Variants in ZMYM2 observed in about 807,000 individuals in gnomAD.
ZMYM2 encodes the protein zinc finger MYM-type containing 2.
A neutral mutation model predicts 162.8 loss-of-function variants in ZMYM2; 56 were observed. The observed-to-expected ratio is 0.34, with a 90% confidence interval of 0.28 to 0.43. The LOEUF (loss-of-function observed/expected upper bound fraction) is 0.43, where lower values mean the gene tolerates loss of function less well. ZMYM2 is among the 20% of genes least tolerant of loss of function. The probability of loss-of-function intolerance (pLI) is 1.00; values close to 1 mark genes in which losing one functional copy is unlikely to be tolerated. For synonymous variants in ZMYM2, 510 were observed against 541.6 expected (o/e 0.94, Z 0.81); for missense variants, 1,275 against 1,621.8 (o/e 0.79, Z 3.67).
At chr13:19,928,013 T>C in the ZMYM2 span, among the ~76,000 whole-genome samples, 1 of 152,158 alleles carries the variant, frequency 6.6e-6, no homozygotes, top group African/African-American at 2.4e-5. Context: ...TATTTATTTA[T>C]TCATGTTTTA....
the ZMYM2 span, among the ~76,000 whole-genome samples, chr13:19,952,407 CA>C: frequency 1.3e-5 from 2 of 151,934 alleles, no homozygotes; most frequent in Non-Finnish European, 2.9e-5. Context: ...GTGTTTCTAC[CA>C]CAAAAAATAA....
the ZMYM2 span, among the ~76,000 whole-genome samples, chr13:19,869,197 G>A: frequency 6.6e-6 from 1 of 152,272 alleles, no homozygotes; most frequent in East Asian, 1.9e-4. Context: ...AACTTACTAT[G>A]CACAGTAATT....
rs764757220 is a variant in ZMYM2 at position 20,059,440 on chromosome 13, T to G, written c.2624-7T>G. 6.2e-7 allele frequency: 1 copy of G among 1,612,904 alleles called. No homozygotes were observed. The highest frequency in any genetic ancestry group is 8.5e-7 in the Non-Finnish European group (1 of 1,179,160). On this transcript the variant is annotated splice_region_variant and splice_polypyrimidine_tract_variant and intron_variant, in intron 15 of 24. Coordinates refer to ENST00000610343, the MANE Select transcript of ZMYM2 (RefSeq NM_197968.4). Reference sequence around the variant, plus strand: ...CATTGCTCCTTAAATATGTTTTGTGTTTTTAGATGATACTTGGAGGACAGA... The same window carrying G: ...CATTGCTCCTTAAATATGTTTTGTGGTTTTAGATGATACTTGGAGGACAGA...
At chr13:19,931,254 C>T in the ZMYM2 span, among the ~76,000 whole-genome samples, 71 of 151,488 alleles carry the variant, frequency 4.7e-4, no homozygotes, top group Admixed American at 5.3e-4. Context: ...TTTTTCCTTC[C>T]ATTTTCTATG....
chr13:20,014,867 C>T (rs147881876), intron 6 of ZMYM2, among the ~76,000 whole-genome samples: 35 of 148,354 alleles, frequency 2.4e-4, no homozygotes, highest in East Asian at 1.2e-3. Context: ...CAGGTTCAAG[C>T]GATTATCCTG....
Position 20,024,675 on chromosome 13 carries a change from C to A in ZMYM2, c.1585-1937C>A, listed in dbSNP as rs968124880. The A allele has an allele frequency of 1.4e-5, 3 of 221,874 alleles. No individual in the cohort carries two copies. The East Asian group carries it at 2.0e-4, about 15-fold the overall frequency. 13.7% of individuals were successfully genotyped at this position (221,874 alleles called of 1,614,324 possible). On this transcript the variant is annotated intron_variant, in intron 7 of 24. Coordinates refer to ENST00000610343, the MANE Select transcript of ZMYM2 (RefSeq NM_197968.4). ...CCTTTTCCAGTATAGAAATTTAAGT[C>A]ATCAAATAGACCTCAGGAAACAAAC...
At chr13:20,011,573 G>GTTTTTTTTTTT (rs764404253) in intron 6 of ZMYM2, among the ~76,000 whole-genome samples, 2 of 144,204 alleles carry the variant, frequency 1.4e-5, no homozygotes, top group African/African-American at 2.6e-5. Flanking sequence ...TTATTTTTTT[G>GTTTTTTTTTTT]TTTTATTTTT....
In ZMYM2 at chr13:20,072,852, T is replaced by C. The variant is rs181813491; in HGVS notation, c.3453+5462T>C. 1.1e-4 allele frequency among the ~76,000 whole-genome samples: 16 copies of C among 152,274 alleles called. No individual in the cohort carries two copies. In the East Asian group the frequency reaches 3.1e-3, roughly 29 times the overall value. On this transcript the variant is annotated intron_variant, in intron 21 of 24. Coordinates refer to ENST00000610343, the MANE Select transcript of ZMYM2 (RefSeq NM_197968.4). ...ATTTGTTAGCCTAAGTTTGGTAATATTTTCTTATTATCCTTTCATTCCTGA... is the reference window on the plus strand; with the variant it reads ...ATTTGTTAGCCTAAGTTTGGTAATACTTTCTTATTATCCTTTCATTCCTGA...
chr13:19,929,395 C>T, the ZMYM2 span, among the ~76,000 whole-genome samples: 4 of 151,970 alleles, frequency 2.6e-5, no homozygotes, highest in African/African-American at 7.3e-5. Flanking sequence ...CCTGCCGCCA[C>T]GCCAGGCTAA....
chr13:19,896,351 C>T, the ZMYM2 span, among the ~76,000 whole-genome samples: 1 of 150,990 alleles, frequency 6.6e-6, no homozygotes, highest in Admixed American at 6.6e-5. Flanking sequence ...ACTATGTTGA[C>T]CAGGCTGGTC....
the ZMYM2 span, among the ~76,000 whole-genome samples, chr13:19,939,849 A>T: frequency 6.6e-6 from 1 of 152,200 alleles, no homozygotes; most frequent in African/African-American, 2.4e-5. Context: ...TTACAGTCCT[A>T]TGTGGTAGGT....
chr13:20,052,491 A>G (rs1427064557), intron 14 of ZMYM2, among the ~76,000 whole-genome samples, 180 bp downstream of exon 14: 1 of 152,168 alleles, frequency 6.6e-6, no homozygotes, highest in Non-Finnish European at 1.5e-5. Context: ...ATGCTAAAGA[A>G]TATAAAGGAG....
At chr13:19,894,345 C>CT in the ZMYM2 span, among the ~76,000 whole-genome samples, 16 of 147,352 alleles carry the variant, frequency 1.1e-4, no homozygotes, top group African/African-American at 2.8e-4. Flanking sequence ...TACTGGATAT[C>CT]TTGTTTTTTT....
intron 21 of ZMYM2, among the ~76,000 whole-genome samples, chr13:20,079,556 T>C (rs544239359): frequency 1.5e-4 from 23 of 152,250 alleles, no homozygotes; most frequent in Non-Finnish European, 2.2e-4. Flanking sequence ...GCCATATGTG[T>C]ATAGATTAGA....
At chr13:19,935,250 C>A in the ZMYM2 span, among the ~76,000 whole-genome samples, 5 of 152,114 alleles carry the variant, frequency 3.3e-5, no homozygotes, top group Non-Finnish European at 7.3e-5. Context: ...TCTCCTGCCC[C>A]AGCCTCCTGA....
At chr13:20,030,144 T>C (rs1001734828) in intron 9 of ZMYM2, among the ~76,000 whole-genome samples, 2 of 152,052 alleles carry the variant, frequency 1.3e-5, no homozygotes, top group African/African-American at 2.4e-5. Flanking sequence ...ATTCCTCTTA[T>C]GAATACCAGT....
At chr13:19,955,594 C>G (rs1338438895), upstream of ZMYM2, among the ~76,000 whole-genome samples, 1 of 152,126 alleles carries the variant, frequency 6.6e-6, no homozygotes, top group Non-Finnish European at 1.5e-5. Flanking sequence ...ACTTTTATAT[C>G]ACTTTCACAG....
At chr13:19,959,256 G>A (rs1012417547) in intron 1 of ZMYM2, among the ~76,000 whole-genome samples, 1 of 151,400 alleles carries the variant, frequency 6.6e-6, no homozygotes, top group Non-Finnish European at 1.5e-5. Flanking sequence ...CTCTCCGGCG[G>A]GGGGCGGGGG....
the ZMYM2 span, among the ~76,000 whole-genome samples, chr13:19,875,498 C>T: frequency 5.9e-5 from 9 of 151,670 alleles, no homozygotes; most frequent in Middle Eastern, 3.4e-3. Context: ...TGTGGAGGTG[C>T]GCGCCTATAG....
Sources: gnomAD v4.1 joint callset for allele counts (sites outside exome capture counted in the v4.1 genomes callset) on GRCh38, gnomAD v4.1.1 for gene constraint, MANE v1.5 for transcripts, NCBI Gene and HGNC (gene_info 2026-07-23, HGNC 2026-07-21) for gene names.